ODF2L: variants seen among roughly 807,000 people sequenced by gnomAD.
The protein encoded by ODF2L is protein BCAP.
A neutral mutation model predicts 86.3 loss-of-function variants in ODF2L; 76 were observed. The observed-to-expected ratio is 0.88, with a 90% CI of 0.73 to 1.07. ODF2L has a LOEUF of 1.07. Among genes scored for constraint, ODF2L ranks in the 50% least tolerant of loss-of-function variants. The pLI is 0.00. For missense variants in ODF2L, 748 were observed against 717.4 expected, an observed-to-expected ratio of 1.04 and a Z score of -0.49; for synonymous variants, 241 against 231.3, an observed-to-expected ratio of 1.04 and a Z score of -0.38.
chr1:86,380,430 A>G (rs781013411), intron 7 of ODF2L, among the ~76,000 whole-genome samples: 20 of 152,194 alleles, frequency 1.3e-4, no homozygotes, highest in Non-Finnish European at 2.2e-4. Context: ...ATCCCACAGG[A>G]AACACTGTTG....
intron 3 of ODF2L, among the ~76,000 whole-genome samples, 192 bp from the exon 4 acceptor site, chr1:86,384,993 C>T (rs1318265679): frequency 1.3e-5 from 2 of 151,674 alleles, no homozygotes. Flanking sequence ...AAAATGAAAT[C>T]AAAATAAGAG....
Position 86,364,412 on chromosome 1 carries a change from T to C in ODF2L, c.1144-3876A>G, listed in dbSNP as rs142780303. Among the ~76,000 whole-genome samples the C allele has an allele frequency of 2.1e-3, 326 of 152,200 alleles. 1 individual carries two copies. Among genetic ancestry groups the C allele is most frequent in the Non-Finnish European group, 3.9e-3 (262 of 67,980 alleles). ...TTTGAGCTAAAATTTAAAGGAAAGG[T>C]AGGATTTAGATACTGAGAAAAATGG... On this transcript the variant is annotated intron_variant, in intron 11 of 17. Transcript: ENST00000317336.
chr1:86,383,471 AAGTTTGTATAG>A (rs1304456346), intron 4 of ODF2L, among the ~76,000 whole-genome samples: 2 of 151,754 alleles, frequency 1.3e-5, no homozygotes, highest in Non-Finnish European at 3.0e-5. Context: ...TATACAAAAG[AAGTTTGTATAG>A]AGTTTGTATA....
chr1:86,388,975 T>C (rs1006615866), intron 1 of ODF2L, among the ~76,000 whole-genome samples: 3 of 152,162 alleles, frequency 2.0e-5, no homozygotes, highest in Admixed American at 6.5e-5. Context: ...GGAATTTCCA[T>C]GAAAATTATC....
chr1:86,356,882 C>T (rs960793358), intron 13 of ODF2L, among the ~76,000 whole-genome samples: 1 of 152,024 alleles, frequency 6.6e-6, no homozygotes, highest in Non-Finnish European at 1.5e-5. Context: ...TTTTTAAAAT[C>T]CTGACATTAT....
rs559621114 is a variant in ODF2L at position 86,388,257 on chromosome 1, T to C, written c.-59-1171A>G. The stretch of plus-strand genomic sequence containing the variant: ...CTATAAACTAGAAGAATTACAAGTA[T>C]ACAAAATAAAATAAAAAACCAAACC... On this transcript the variant is annotated intron_variant, in intron 1 of 17. Coordinates refer to ENST00000317336, the Ensembl canonical transcript of ODF2L. 1.4e-4 allele frequency among the ~76,000 whole-genome samples: 21 copies of C among 152,156 alleles called. No homozygotes were observed. In the South Asian group the frequency reaches 4.1e-3, roughly 30 times the overall value.
chr1:86,355,394 T>A (rs1658467846), intron 14 of ODF2L: 13 of 1,511,276 alleles, frequency 8.6e-6, no homozygotes, highest in Non-Finnish European at 1.2e-5. Context: ...CTGCTCTAAA[T>A]AATGTAAGAA....
intron 8 of ODF2L, 30 bp downstream of exon 8, chr1:86,376,203 T>A: frequency 7.6e-7 from 1 of 1,319,844 alleles, no homozygotes; most frequent in Non-Finnish European, 1.1e-6. Flanking sequence ...TAATAGATCT[T>A]TTAATTTTAA....
chr1:86,357,959 C>T, intron 13 of ODF2L: 1 of 985,406 alleles, frequency 1.0e-6, no homozygotes, highest in Non-Finnish European at 1.2e-6. Context: ...GGTTTATTCG[C>T]TGGCCTGCTA....
chr1:86,373,773 T>A (rs1659980000), intron 8 of ODF2L, among the ~76,000 whole-genome samples: 1 of 152,276 alleles, frequency 6.6e-6, no homozygotes, highest in Non-Finnish European at 1.5e-5. Context: ...CGCCAAGATC[T>A]ATTTTGTAGA....
At chr1:86,383,102 A>G (rs758898595) in intron 5 of ODF2L, 32 bp downstream of exon 5, 10 of 1,419,288 alleles carry the variant, frequency 7.0e-6, no homozygotes, top group Non-Finnish European at 9.9e-6. Context: ...TGACAGGAAG[A>G]ATGGACACAA....
At chr1:86,371,982 T>TC (rs949987299) in intron 9 of ODF2L, among the ~76,000 whole-genome samples, 97 of 152,042 alleles carry the variant, frequency 6.4e-4, no homozygotes, top group African/African-American at 2.3e-3. Context: ...GGTCAGGAGA[T>TC]CGAGACCATC....
intron 13 of ODF2L, among the ~76,000 whole-genome samples, chr1:86,357,177 T>G (rs1413757726): frequency 6.6e-6 from 1 of 152,184 alleles, no homozygotes; most frequent in African/African-American, 2.4e-5. Context: ...TAATCTGTTT[T>G]GGCTACTGCA....
intron 2 of ODF2L, chr1:86,386,711 C>T: frequency 2.4e-6 from 1 of 415,942 alleles, no homozygotes; most frequent in Non-Finnish European, 4.2e-6. Context: ...TAATTGCTTT[C>T]ATTAAGATTC....
intron 4 of ODF2L, among the ~76,000 whole-genome samples, chr1:86,383,724 A>G (rs1341341294): frequency 6.6e-6 from 1 of 151,782 alleles, no homozygotes; most frequent in Non-Finnish European, 1.5e-5. Flanking sequence ...ATATATATGT[A>G]CATATAATGC....
exon 18 of ODF2L, chr1:86,350,966 TAAG>T (rs1227762892): frequency 6.6e-6 from 1 of 152,196 alleles, no homozygotes; most frequent in African/African-American, 2.4e-5. Context: ...TAAATTTGTT[TAAG>T]TTCTTTGTAG....
At chr1:86,366,447 TACACACACATTC>T (rs1029718151) in intron 11 of ODF2L, among the ~76,000 whole-genome samples, 1 of 116,204 alleles carries the variant, frequency 8.6e-6, no homozygotes, top group Non-Finnish European at 1.9e-5. Context: ...CACATACACA[TACACACACATTC>T]ACACACACAA....
chr1:86,363,836 T>C (rs1444931069), intron 11 of ODF2L, among the ~76,000 whole-genome samples: 1 of 152,138 alleles, frequency 6.6e-6, no homozygotes, highest in African/African-American at 2.4e-5. Flanking sequence ...ATAAACTTTC[T>C]GTTGTGTTTA....
chr1:86,358,989 T>C (rs1345795030), intron 12 of ODF2L, 98 bp from the exon 12 acceptor site: 1 of 603,706 alleles, frequency 1.7e-6, no homozygotes. Context: ...GTCATTATTT[T>C]CCTATCAATA....
Sources: gnomAD v4.1 joint callset for allele counts (sites outside exome capture counted in the v4.1 genomes callset) on GRCh38, gnomAD v4.1.1 for gene constraint, MANE v1.5 for transcripts, NCBI Gene and HGNC (gene_info 2026-07-23, HGNC 2026-07-21) for gene names.